Variants in RNGTT observed in about 807,000 individuals in gnomAD.
The protein encoded by RNGTT is mRNA-capping enzyme.
A neutral mutation model predicts 79.3 loss-of-function variants in RNGTT; 33 were observed. That is an observed-to-expected ratio of 0.42 (90% CI 0.32 to 0.56). The LOEUF is 0.56. RNGTT is among the 20% of genes least tolerant of loss of function. The pLI, the probability that RNGTT is intolerant of heterozygous loss-of-function variation, is 0.17. For missense variants in RNGTT, 497 were observed against 739.1 expected, an observed-to-expected ratio of 0.67 and a Z score of 3.80; for synonymous variants, 222 against 235.9, an observed-to-expected ratio of 0.94 and a Z score of 0.54.
At chr6:88,660,636 C>T (rs964862283) in intron 14 of RNGTT, among the ~76,000 whole-genome samples, 6 of 151,990 alleles carry the variant, frequency 3.9e-5, no homozygotes, top group Non-Finnish European at 2.9e-5. Flanking sequence ...TAAATACATG[C>T]ACCTAGCACT....
chr6:88,895,278 A>G (rs1783199723), intron 6 of RNGTT, among the ~76,000 whole-genome samples: 1 of 147,890 alleles, frequency 6.8e-6, no homozygotes, highest in African/African-American at 2.5e-5. Context: ...TGTAAAGAGA[A>G]AATGTATACA....
intron 14 of RNGTT, among the ~76,000 whole-genome samples, chr6:88,656,615 T>A (rs1304905206): frequency 6.6e-6 from 1 of 152,086 alleles, no homozygotes; most frequent in Non-Finnish European, 1.5e-5. Context: ...AGCAAAAGTA[T>A]GTCTATGTAT....
At chr6:88,771,321 A>G (rs796277795) in intron 12 of RNGTT, among the ~76,000 whole-genome samples, 843 of 55,538 alleles carry the variant, frequency 0.015, 1 homozygote, top group South Asian at 0.023. Context: ...GTGTGTATAT[A>G]TATATATATA....
At position 88,672,685 on chromosome 6, in the gene RNGTT, G is replaced by A. The variant is rs190225769; in HGVS notation, c.1506+5668C>T. On this transcript the variant is annotated intron_variant, in intron 14 of 15. Transcript: ENST00000369485. The stretch of plus-strand genomic sequence containing the variant: ...TTATCTATGTAACTAAACACCACCT[G>A]TTTCCCAAAACCTATTAAAGTAATA... Among the ~76,000 whole-genome samples the A allele has an allele frequency of 1.9e-3, 293 of 152,172 alleles. 4 individuals are homozygous for A. Among genetic ancestry groups the A allele is most frequent in the African/African-American group, 6.9e-3 (287 of 41,520 alleles).
intron 12 of RNGTT, among the ~76,000 whole-genome samples, chr6:88,776,317 T>A (rs905530483): frequency 6.7e-6 from 1 of 149,640 alleles, no homozygotes; most frequent in Admixed American, 6.6e-5. Flanking sequence ...ATACACCTTT[T>A]GACCTTTTTT....
chr6:88,685,416 A>G (rs550940276), intron 13 of RNGTT, among the ~76,000 whole-genome samples: 1 of 152,112 alleles, frequency 6.6e-6, no homozygotes, highest in Admixed American at 6.5e-5. Flanking sequence ...ACTTTGTTTA[A>G]TTTTCCATAA....
intron 14 of RNGTT, among the ~76,000 whole-genome samples, chr6:88,619,612 G>T (rs555403281): frequency 3.9e-4 from 59 of 152,054 alleles, no homozygotes; most frequent in Non-Finnish European, 7.9e-4. Context: ...GAAGAACGGG[G>T]GTGTGGAATG....
intron 6 of RNGTT, among the ~76,000 whole-genome samples, chr6:88,897,709 C>T (rs534936605): frequency 1.3e-5 from 2 of 152,270 alleles, no homozygotes; most frequent in Non-Finnish European, 2.9e-5. Context: ...GAGAACTTGA[C>T]TTTTGGAGTG....
chr6:88,779,204 T>C (rs1375796618), intron 12 of RNGTT, among the ~76,000 whole-genome samples: 1 of 151,676 alleles, frequency 6.6e-6, no homozygotes, highest in Non-Finnish European at 1.5e-5. Context: ...AGAAAAAGAG[T>C]AAGTTTGTGT....
At chr6:88,693,969 A>G (rs1298109810) in intron 13 of RNGTT, among the ~76,000 whole-genome samples, 2 of 152,180 alleles carry the variant, frequency 1.3e-5, no homozygotes, top group Non-Finnish European at 2.9e-5. Flanking sequence ...TAAAGACCAC[A>G]TATGACAGGC....
At chr6:88,715,342 C>T (rs1582373137) in intron 13 of RNGTT, among the ~76,000 whole-genome samples, 1 of 152,266 alleles carries the variant, frequency 6.6e-6, no homozygotes, top group Middle Eastern at 3.4e-3. Context: ...AAGAACATTC[C>T]ATGCTCATGG....
chr6:88,632,715 G>A (rs1056439368), intron 14 of RNGTT, among the ~76,000 whole-genome samples: 2 of 146,278 alleles, frequency 1.4e-5, no homozygotes, highest in Non-Finnish European at 3.0e-5. Flanking sequence ...ATCAAAGTCA[G>A]GGGGGAAAAA....
At chr6:88,629,660 C>T (rs373873489) in intron 14 of RNGTT, among the ~76,000 whole-genome samples, 37 of 152,206 alleles carry the variant, frequency 2.4e-4, no homozygotes, top group African/African-American at 8.4e-4. Flanking sequence ...GGACGTTCAC[C>T]ACTCAACTGC....
intron 12 of RNGTT, among the ~76,000 whole-genome samples, chr6:88,785,153 T>TA (rs1265960548): frequency 2.6e-5 from 4 of 152,140 alleles, no homozygotes; most frequent in African/African-American, 9.6e-5. Flanking sequence ...ATTAAGTGTT[T>TA]AATATGTATC....
chr6:88,744,749 C>G (rs1323011655), intron 13 of RNGTT, among the ~76,000 whole-genome samples: 1 of 151,980 alleles, frequency 6.6e-6, no homozygotes, highest in African/African-American at 2.4e-5. Flanking sequence ...ATATACTAAA[C>G]AAGATGAGTA....
chr6:88,633,301 T>C (rs1480852941), intron 14 of RNGTT, among the ~76,000 whole-genome samples: 1 of 152,056 alleles, frequency 6.6e-6, no homozygotes, highest in Non-Finnish European at 1.5e-5. Flanking sequence ...TACAAAGGAA[T>C]TATAGAAATG....
At chr6:88,697,076 A>G (rs1298372568) in intron 13 of RNGTT, among the ~76,000 whole-genome samples, 1 of 152,200 alleles carries the variant, frequency 6.6e-6, no homozygotes, top group East Asian at 1.9e-4. Context: ...AATTATGGCA[A>G]TTCTAAATTT....
intron 8 of RNGTT, among the ~76,000 whole-genome samples, chr6:88,880,127 C>T (rs1782648726): frequency 1.3e-5 from 2 of 152,126 alleles, no homozygotes; most frequent in Admixed American, 1.3e-4. Context: ...CTAATCCATG[C>T]AGCACCTAAC....
intron 13 of RNGTT, among the ~76,000 whole-genome samples, chr6:88,732,947 A>G (rs1777162684): frequency 6.6e-6 from 1 of 152,234 alleles, no homozygotes; most frequent in South Asian, 2.1e-4. Context: ...TAAGATACTA[A>G]ATTTTACAGT....
Sources: allele counts gnomAD v4.1 joint callset (sites outside exome capture counted in the v4.1 genomes callset), GRCh38; gene constraint gnomAD v4.1.1; transcripts MANE v1.5; gene names NCBI Gene and HGNC (gene_info 2026-07-23, HGNC 2026-07-21).